ASIP: variants seen among roughly 807,000 people sequenced by gnomAD.
The protein encoded by ASIP is agouti-signaling protein.
ASIP carries 11 observed loss-of-function variants against 10.3 expected under a neutral mutation model. The observed-to-expected ratio is 1.07, with a 90% CI of 0.68 to 1.78. ASIP has a LOEUF of 1.78. Among genes scored for constraint, ASIP ranks in the 40% most tolerant of loss-of-function variants. The probability of loss-of-function intolerance (pLI) is 0.00; values close to 1 mark genes in which losing one functional copy is unlikely to be tolerated. For missense variants in ASIP, 180 were observed against 169.2 expected (o/e 1.06, Z -0.35); for synonymous variants, 70 against 70.8 (o/e 0.99, Z 0.06).
chr20:34,199,479 G>A lies in ASIP; in HGVS notation c.-11+4719G>A, dbSNP rs1051230705. 3.9e-5 allele frequency among the ~76,000 whole-genome samples: 6 copies of A among 152,228 alleles called. No individual in the cohort carries two copies. The East Asian group carries it at 1.2e-3, about 29-fold the overall frequency. ...TTTCTTACATCCTCATCAGTGGTTG[G>A]TATTGTCTGTCTTTTACGTTTAGCC... On this transcript the variant is annotated intron_variant, in intron 1 of 3. Coordinates refer to the ASIP transcript ENST00000568305.
At chr20:34,268,607 G>A (rs1351745463) in intron 3 of ASIP, among the ~76,000 whole-genome samples, 3 of 151,836 alleles carry the variant, frequency 2.0e-5, no homozygotes, top group Non-Finnish European at 4.4e-5. Context: ...GTGGTGGTGC[G>A]CACATGTGGT....
intron 3 of ASIP, among the ~76,000 whole-genome samples, chr20:34,266,332 A>G (rs2035785448): frequency 6.6e-6 from 1 of 151,266 alleles, no homozygotes; most frequent in Non-Finnish European, 1.5e-5. Context: ...CCTGGGTGAC[A>G]GAGCGAGACT....
chr20:34,233,963 A>G (rs1317364136), intron 1 of ASIP, among the ~76,000 whole-genome samples: 1 of 152,236 alleles, frequency 6.6e-6, no homozygotes, highest in African/African-American at 2.4e-5. Flanking sequence ...CTCTTTCACC[A>G]TGAGACAAAT....
rs369598328 is a variant in ASIP at position 34,268,998 on chromosome 20, C to A, written c.230C>A (p.Ala77Asp). 21 of 1,605,656 alleles carry A rather than the reference C, an allele frequency of 1.3e-5. No homozygotes were observed. In the African/African-American group the frequency reaches 2.3e-4, roughly 17 times the overall value. ...AEKKRSSKKE[A>D]SMKKVVRPRT... ...CCGGCGTTTCCCACGCAGAAGGAGG[C>A]TTCGATGAAGAAAGTGGTGCGGCCC... The change falls in exon 4 of 4, where the codon GCT (alanine) becomes GAT (aspartate). Residue 77 changes from alanine (A) to aspartate (D), a missense_variant. Ala to Asp is a moderately radical substitution (Grantham distance 126, BLOSUM62 -2). Transcript: ENST00000374954.
At chr20:34,255,724 CAA>C (rs2035556057) in intron 1 of ASIP, among the ~76,000 whole-genome samples, 1 of 152,208 alleles carries the variant, frequency 6.6e-6, no homozygotes, top group Non-Finnish European at 1.5e-5. Flanking sequence ...GACCAGAAGA[CAA>C]GAGTGTGAGC....
chr20:34,203,319 T>G (rs1371217142), intron 1 of ASIP, among the ~76,000 whole-genome samples: 2 of 152,042 alleles, frequency 1.3e-5, no homozygotes, highest in Non-Finnish European at 2.9e-5. Flanking sequence ...GTTTTCTATG[T>G]AGAAACCTGG....
chr20:34,259,718 C>A (rs1473038409), intron 1 of ASIP, among the ~76,000 whole-genome samples: 2 of 151,738 alleles, frequency 1.3e-5, no homozygotes, highest in Admixed American at 1.3e-4. Flanking sequence ...CCACTGCACT[C>A]TAGCCTGGGC....
chr20:34,194,616 G>A (rs1244487775), exon 1 of ASIP: 1 of 151,630 alleles, frequency 6.6e-6, no homozygotes, highest in Non-Finnish European at 1.5e-5. Context: ...ACCCACCAGA[G>A]ATCCCCAGAT....
chr20:34,233,588 CAATT>C (rs2035140803), intron 1 of ASIP, among the ~76,000 whole-genome samples: 2 of 152,142 alleles, frequency 1.3e-5, no homozygotes, highest in Non-Finnish European at 2.9e-5. Context: ...AATTACATCT[CAATT>C]AAGCTGTTTT....
chr20:34,235,675 T>C (rs922041217), intron 1 of ASIP, among the ~76,000 whole-genome samples: 5 of 150,492 alleles, frequency 3.3e-5, no homozygotes, highest in Non-Finnish European at 5.9e-5. Flanking sequence ...CCCCTACTAC[T>C]CAGGAGGCAG....
chr20:34,256,828 A>G (rs1224923257), intron 1 of ASIP, among the ~76,000 whole-genome samples: 1 of 151,972 alleles, frequency 6.6e-6, no homozygotes, highest in Non-Finnish European at 1.5e-5. Flanking sequence ...CAGGCTGGGT[A>G]ACAGTGCAGT....
At chr20:34,215,335 G>A in intron 1 of ASIP, 2 of 1,572,760 alleles carry the variant, frequency 1.3e-6, no homozygotes, top group Non-Finnish European at 8.7e-7. Flanking sequence ...TTGGTACCAT[G>A]ATTCCACCAG....
chr20:34,245,730 T>C (rs1263014260), intron 1 of ASIP, among the ~76,000 whole-genome samples: 4 of 151,984 alleles, frequency 2.6e-5, no homozygotes, highest in African/African-American at 7.3e-5. Flanking sequence ...TATTCATGCA[T>C]GAGCATGACA....
In ASIP at chr20:34,224,229, A is replaced by T. The variant is rs543552996; in HGVS notation, c.-11+29469A>T. ...AGAATTATCAATAAAAAAATAAATT[A>T]AAAAAAAAAAAGTTACTCAGGAGAC... On this transcript the variant is annotated intron_variant, in intron 1 of 3. Coordinates refer to the ASIP transcript ENST00000568305. Among the ~76,000 whole-genome samples the T allele has an allele frequency of 8.7e-4, 108 of 123,746 alleles. 1 individual carries two copies. Among genetic ancestry groups the T allele is most frequent in the Middle Eastern group, 9.1e-3 (2 of 220 alleles). The allele number at this position is 123,746 out of a possible 152,430, so 81.2% of individuals were successfully genotyped here. A position where few individuals can be genotyped will look rare whatever the true frequency, so the allele number is the denominator to read the frequency against.
chr20:34,249,099 A>ATG (rs2035429983), intron 1 of ASIP, among the ~76,000 whole-genome samples: 1 of 152,116 alleles, frequency 6.6e-6, no homozygotes, highest in Admixed American at 6.5e-5. Flanking sequence ...ACTGCACTCC[A>ATG]GCCTGGGTGA....
In ASIP at chr20:34,200,948, T is replaced by TTTTCTTTCTTTCTTTCTTTCTTTC. The variant is rs1180213511; in HGVS notation, c.-11+6189_-11+6212dup. On this transcript the variant is annotated intron_variant, in intron 1 of 3. Coordinates refer to the ASIP transcript ENST00000568305. ...AGTGTTAGCTGTGTTTCAAACTTGA[T>TTTTCTTTCTTTCTTTCTTTCTTTC]TTTCTTTCTTTCTTTCTTTCTTTCC... is the stretch of plus-strand genomic sequence containing the variant. 3.8e-4 allele frequency among the ~76,000 whole-genome samples: 54 copies of TTTTCTTTCTTTCTTTCTTTCTTTC among 140,944 alleles called. 1 individual carries two copies. The highest frequency in any genetic ancestry group is 1.4e-3 in the African/African-American group (51 of 35,264). 92.5% of individuals were successfully genotyped at this position (140,944 alleles called of 152,430 possible).
intron 1 of ASIP, among the ~76,000 whole-genome samples, chr20:34,234,658 C>T (rs1049975706): frequency 2.6e-5 from 4 of 151,924 alleles, no homozygotes; most frequent in East Asian, 1.9e-4. Context: ...AAAAATTCGC[C>T]GGGCGTGGTG....
rs2034889113 is a variant in ASIP, at chr20:34,200,965, T to TTCCTTCC, written c.-11+6206_-11+6207insCCTTCCT. Reference sequence around the variant, plus strand: ...AAACTTGATTTTCTTTCTTTCTTTCTTTCTTTCCTTCCTTCCTTCCTTCCT... The same window carrying TTCCTTCC: ...AAACTTGATTTTCTTTCTTTCTTTCTTCCTTCCTTCTTTCCTTCCTTCCTTCCTTCCT... On this transcript the variant is annotated intron_variant, in intron 1 of 3. Transcript: ENST00000568305. 3.4e-5 allele frequency among the ~76,000 whole-genome samples: 3 copies of TTCCTTCC among 87,736 alleles called. No homozygotes were observed. The East Asian group carries it at 9.6e-4, about 28-fold the overall frequency. 57.6% of individuals were successfully genotyped at this position (87,736 alleles called of 152,430 possible).
chr20:34,186,493 A>T, the ASIP span, among the ~76,000 whole-genome samples: 1 of 152,192 alleles, frequency 6.6e-6, no homozygotes, highest in Non-Finnish European at 1.5e-5. Flanking sequence ...AGCTTTGGTC[A>T]GGCTACCAAA....
Sources: gnomAD v4.1 joint callset for allele counts (sites outside exome capture counted in the v4.1 genomes callset) on GRCh38, gnomAD v4.1.1 for gene constraint, MANE v1.5 for transcripts, NCBI Gene and HGNC (gene_info 2026-07-23, HGNC 2026-07-21) for gene names.